Variants in TARS3 observed in about 807,000 individuals in gnomAD.
TARS3 encodes the protein threonyl-tRNA synthetase 3.
Under a neutral mutation model 103.5 loss-of-function variants are expected in TARS3, and 94 were observed. That is an observed-to-expected ratio of 0.91 (90% CI 0.77 to 1.08). The LOEUF is 1.08. Ranked by LOEUF, TARS3 falls within the 50% of genes least tolerant of loss-of-function variation. TARS3 has a pLI of 0.00. For synonymous variants in TARS3, 416 were observed against 355.4 expected (o/e 1.17, Z -1.92); for missense variants, 952 against 995.2 (o/e 0.96, Z 0.58).
chr15:101,712,623 T>C (rs1899924025), intron 4 of TARS3, among the ~76,000 whole-genome samples: 1 of 152,196 alleles, frequency 6.6e-6, no homozygotes, highest in East Asian at 1.9e-4. Flanking sequence ...TTAGCCACAG[T>C]CCAGAGCCCG....
chr15:101,656,044 G>C (rs770122180), intron 18 of TARS3: 18 of 1,289,064 alleles, frequency 1.4e-5, no homozygotes, highest in Non-Finnish European at 1.7e-5. Flanking sequence ...GAATAAGGTA[G>C]ATATTCAAGA....
chr15:101,659,434 C>G (rs982832168), intron 16 of TARS3, among the ~76,000 whole-genome samples: 3 of 152,202 alleles, frequency 2.0e-5, no homozygotes, highest in Non-Finnish European at 2.9e-5. Context: ...CTACTCCTCT[C>G]AAGGACCCAC....
At position 101,686,003 on chromosome 15, in the gene TARS3, T is replaced by A; in HGVS notation, c.1380A>T (p.Lys460Asn). The change falls in exon 11 of 19, where the codon AAA (lysine) becomes AAT (asparagine). Residue 460 changes from lysine to asparagine, a missense_variant. This residue lies in a region of TARS3 where 540 missense variants were observed against 631.0 expected (regional missense o/e 0.86). Coordinates refer to ENST00000335968, the MANE Select transcript of TARS3 (RefSeq NM_152334.3). ...EVLSPNMYNS[K>N]LWEASGHWQH... ...GCCAGTGGCCTGAGGCTTCCCAGAG[T>A]TTACTGTTGTACATATTGGGAGAGA... 1 of 1,613,918 alleles carries A rather than the reference T, an allele frequency of 6.2e-7. No homozygotes were observed. The highest frequency in any genetic ancestry group is 8.5e-7 in the Non-Finnish European group (1 of 1,179,868).
chr15:101,711,789 A>C, intron 5 of TARS3, 91 bp downstream of exon 5: 4 of 1,453,110 alleles, frequency 2.8e-6, no homozygotes, highest in Non-Finnish European at 3.7e-6. Context: ...TGTAAGGGCC[A>C]GCAGTATACA....
intron 5 of TARS3, among the ~76,000 whole-genome samples, chr15:101,709,614 C>T (rs58819255): frequency 0.17 from 25,658 of 152,190 alleles, 2,413 homozygotes; most frequent in Admixed American, 0.21. Context: ...ACCTCCTACA[C>T]CTGGCTGATG....
At chr15:101,655,190 A>G (rs1349875600) in intron 18 of TARS3, among the ~76,000 whole-genome samples, 3 of 136,332 alleles carry the variant, frequency 2.2e-5, no homozygotes, top group African/African-American at 2.8e-5. Flanking sequence ...CTAGGGCGCA[A>G]ATGAGAGCGG....
rs769900199 is a variant in TARS3, at chr15:101,705,748, C to T, written c.931-1G>A. On this transcript the variant is annotated splice_acceptor_variant, in intron 6 of 18. Transcript: ENST00000335968. LOFTEE classifies it high-confidence loss of function. ...GAATGCGGCATTTAAATTTATTGTA[C>T]TACGAAGAAAAACATATTTACACAT... 2.5e-6 allele frequency: 4 copies of T among 1,601,882 alleles called. No homozygotes were observed. The Admixed American group carries it at 6.8e-5, about 27-fold the overall frequency.
intron 12 of TARS3, among the ~76,000 whole-genome samples, chr15:101,676,390 T>C (rs991445332): frequency 6.6e-6 from 1 of 152,160 alleles, no homozygotes; most frequent in Non-Finnish European, 1.5e-5. Flanking sequence ...CTGAGTCAAT[T>C]AGGAGCAAGA....
At chr15:101,715,071 T>C (rs1369772344) in intron 3 of TARS3, 108 bp from the exon 4 acceptor site, 3 of 1,096,550 alleles carry the variant, frequency 2.7e-6, no homozygotes, top group Non-Finnish European at 2.5e-6. Context: ...GTATAAAAAG[T>C]ACAAACATAA....
At chr15:101,688,997 A>T (rs1385539649) in intron 10 of TARS3, among the ~76,000 whole-genome samples, 1 of 152,156 alleles carries the variant, frequency 6.6e-6, no homozygotes, top group African/African-American at 2.4e-5. Context: ...GGAGCTTTGG[A>T]ATCTTTCGAT....
At position 101,684,307 on chromosome 15, in the gene TARS3, G is replaced by C. The variant is rs531856267; in HGVS notation, c.1488-70C>G. 8.0e-6 allele frequency: 11 copies of C among 1,369,986 alleles called. No homozygotes were observed. The South Asian group carries it at 1.8e-4, about 22-fold the overall frequency. The allele number at this position is 1,369,986 out of a possible 1,614,324, so 84.9% of individuals were successfully genotyped here. On this transcript the variant is annotated intron_variant, in intron 11 of 18. Coordinates refer to ENST00000335968, the MANE Select transcript of TARS3 (RefSeq NM_152334.3). ...TATTAAATAATTATCTAAATATAAAGAAATTACAATTAAGCCTCAAGATTC... is the reference window on the plus strand; with the variant it reads ...TATTAAATAATTATCTAAATATAAACAAATTACAATTAAGCCTCAAGATTC...
At chr15:101,711,388 C>A (rs541027872) in intron 5 of TARS3, among the ~76,000 whole-genome samples, 2 of 152,136 alleles carry the variant, frequency 1.3e-5, no homozygotes, top group South Asian at 4.2e-4. Context: ...TACAGTTGAC[C>A]CTTGAACAAC....
intron 15 of TARS3, among the ~76,000 whole-genome samples, chr15:101,667,128 T>C (rs1897611452): frequency 6.6e-6 from 1 of 152,214 alleles, no homozygotes; most frequent in African/African-American, 2.4e-5. Flanking sequence ...ATGAATCTTT[T>C]TTTTTTTCCT....
intron 15 of TARS3, 66 bp from the exon 16 acceptor site, chr15:101,661,882 ATTTAAT>A (rs1367545712): frequency 1.9e-5 from 19 of 1,004,850 alleles, no homozygotes; most frequent in Non-Finnish European, 2.4e-5. Flanking sequence ...CTAGCCTTAT[ATTTAAT>A]TTTGAGAATA....
In TARS3 at chr15:101,672,161, G is replaced by C. The variant is rs533067281; in HGVS notation, c.1789-413C>G. ...CCCTCTTCCACTCTGAGTCTGGGTGGGTAAGAAGGCCAAGAGGGCAGGCCT... is the reference window on the plus strand; with the variant it reads ...CCCTCTTCCACTCTGAGTCTGGGTGCGTAAGAAGGCCAAGAGGGCAGGCCT... On this transcript the variant is annotated intron_variant, in intron 13 of 18. Transcript: ENST00000335968. 2.0e-5 allele frequency among the ~76,000 whole-genome samples: 3 copies of C among 152,140 alleles called. No individual in the cohort carries two copies. The South Asian group carries it at 6.2e-4, about 32-fold the overall frequency.
At chr15:101,712,038 A>T in intron 4 of TARS3, 37 bp from the exon 5 acceptor site, 1 of 1,580,312 alleles carries the variant, frequency 6.3e-7, no homozygotes, top group East Asian at 2.3e-5. Context: ...TAGCTACCAA[A>T]AGTATGTCAT....
chr15:101,719,433 G>A (rs1162995350), intron 3 of TARS3, among the ~76,000 whole-genome samples: 1 of 152,190 alleles, frequency 6.6e-6, no homozygotes, highest in African/African-American at 2.4e-5. Context: ...TGAAAGAAGA[G>A]TACCCACAGA....
chr15:101,681,837 T>C (rs1898266921), intron 12 of TARS3, among the ~76,000 whole-genome samples: 1 of 152,228 alleles, frequency 6.6e-6, no homozygotes, highest in South Asian at 2.1e-4. Context: ...ATATAAATTT[T>C]GGGAGTCACA....
At position 101,654,366 on chromosome 15, in the gene TARS3, G is replaced by T; in HGVS notation, c.*216C>A. The stretch of plus-strand genomic sequence containing the variant: ...TAAGTTTCTCAAGGCATTGATTGCT[G>T]GAAAATTTCCCACGTGCCCTCTAAA... On this transcript the variant is annotated 3_prime_UTR_variant, in exon 19 of 19. Transcript: ENST00000335968. 1 of 449,666 alleles carries T rather than the reference G, an allele frequency of 2.2e-6. No individual in the cohort carries two copies. The highest frequency in any genetic ancestry group is 3.8e-6 in the Non-Finnish European group (1 of 260,696). The allele number at this position is 449,666 out of a possible 1,614,324, so 27.9% of individuals were successfully genotyped here. A position where few individuals can be genotyped will look rare whatever the true frequency, so the allele number is the denominator to read the frequency against.
Sources: allele counts gnomAD v4.1 joint callset (sites outside exome capture counted in the v4.1 genomes callset), GRCh38; gene constraint gnomAD v4.1.1; regional missense constraint gnomAD v4.1.1; transcripts MANE v1.5; gene names NCBI Gene and HGNC (gene_info 2026-07-23, HGNC 2026-07-21).